Variants in DENND1A observed in about 807,000 individuals in gnomAD.
DENND1A encodes DENN domain containing 1A, also known as DENN domain-containing protein 1A.
A neutral mutation model predicts 113.7 loss-of-function variants in DENND1A; 51 were observed. The observed-to-expected ratio is 0.45, with a 90% CI of 0.36 to 0.57. The LOEUF (loss-of-function observed/expected upper bound fraction) is 0.57, where lower values mean the gene tolerates loss of function less well. DENND1A is among the 20% of genes least tolerant of loss of function. DENND1A has a pLI of 0.00. For missense variants in DENND1A, 1,258 were observed against 1,395.9 expected (o/e 0.90, Z 1.57); for synonymous variants, 565 against 570.8 (o/e 0.99, Z 0.14).
intron 11 of DENND1A, among the ~76,000 whole-genome samples, chr9:123,593,818 G>A (rs1383819965): frequency 6.6e-6 from 1 of 152,148 alleles, no homozygotes; most frequent in Non-Finnish European, 1.5e-5. Context: ...ACGCCCTCTT[G>A]TAATTCCCAG....
At chr9:123,582,014 T>C (rs917208676) in intron 12 of DENND1A, among the ~76,000 whole-genome samples, 4 of 152,246 alleles carry the variant, frequency 2.6e-5, no homozygotes, top group East Asian at 3.8e-4. Flanking sequence ...GATGTTAGCA[T>C]GGCAAATGTG....
chr9:123,423,302 T>A (rs889483688), intron 19 of DENND1A, among the ~76,000 whole-genome samples: 1 of 152,192 alleles, frequency 6.6e-6, no homozygotes, highest in Admixed American at 6.5e-5. Flanking sequence ...CCAAAGTGAA[T>A]CTGCATAATT....
intron 5 of DENND1A, among the ~76,000 whole-genome samples, chr9:123,704,729 A>T (rs1278610730): frequency 6.6e-6 from 1 of 152,156 alleles, no homozygotes; most frequent in African/African-American, 2.4e-5. Context: ...TTTTTAAAGG[A>T]ATGATTGACA....
chr9:123,650,800 G>C (rs114104478), intron 9 of DENND1A, among the ~76,000 whole-genome samples: 2,498 of 151,204 alleles, frequency 0.017, 55 homozygotes, highest in African/African-American at 0.056. Flanking sequence ...CCAACTACTT[G>C]GGTGACTGAA....
chr9:123,766,653 C>A (rs968459966), intron 4 of DENND1A, among the ~76,000 whole-genome samples: 1 of 152,168 alleles, frequency 6.6e-6, no homozygotes, highest in Non-Finnish European at 1.5e-5. Context: ...GCTCAGAGAA[C>A]CTTGGGCAAG....
chr9:123,528,357 T>C (rs2055015708), intron 13 of DENND1A, among the ~76,000 whole-genome samples: 1 of 152,212 alleles, frequency 6.6e-6, no homozygotes, highest in African/African-American at 2.4e-5. Context: ...CTTTATTTCC[T>C]CCAGGACTGG....
chr9:123,501,736 C>A (rs923470892), intron 13 of DENND1A, among the ~76,000 whole-genome samples: 1 of 152,216 alleles, frequency 6.6e-6, no homozygotes, highest in Non-Finnish European at 1.5e-5. Context: ...CACCCTTAAT[C>A]TGGTGGGCAC....
Position 123,671,158 on chromosome 9 carries a change from G to A in DENND1A, c.453+133C>T, listed in dbSNP as rs997463277. 3 of 983,926 alleles carry A rather than the reference G, an allele frequency of 3.0e-6. No homozygotes were observed. The African/African-American group carries it at 4.9e-5, about 16-fold the overall frequency. 60.9% of individuals were successfully genotyped at this position (983,926 alleles called of 1,614,324 possible). On this transcript the variant is annotated intron_variant, in intron 7 of 23. Transcript: ENST00000394215. Reference sequence around the variant, plus strand: ...TACTCTCTGGCCTATCTTGAACTCAGAGGTCTCAGAGTATTTGGGGGTAGG... The same window carrying A: ...TACTCTCTGGCCTATCTTGAACTCAAAGGTCTCAGAGTATTTGGGGGTAGG...
intron 1 of DENND1A, among the ~76,000 whole-genome samples, chr9:123,885,924 C>T (rs1849007281): frequency 6.6e-6 from 1 of 152,156 alleles, no homozygotes; most frequent in Non-Finnish European, 1.5e-5. Flanking sequence ...GGATTACAGG[C>T]ACCTGCCACC....
intron 5 of DENND1A, 34 bp from the exon 6 acceptor site, chr9:123,676,823 G>A (rs769213086): frequency 1.3e-6 from 2 of 1,598,362 alleles, no homozygotes; most frequent in Non-Finnish European, 1.7e-6. Flanking sequence ...TGAAATATTA[G>A]TATGCAGGTC....
intron 13 of DENND1A, among the ~76,000 whole-genome samples, chr9:123,528,086 A>G (rs2054994555): frequency 6.6e-6 from 1 of 152,248 alleles, no homozygotes; most frequent in Admixed American, 6.5e-5. Context: ...TTTGGGGAAC[A>G]TGAGAATAGA....
chr9:123,515,701 T>C (rs1392522276), intron 13 of DENND1A, among the ~76,000 whole-genome samples: 2 of 152,120 alleles, frequency 1.3e-5, no homozygotes, highest in African/African-American at 4.8e-5. Flanking sequence ...AACTTAAAGA[T>C]GAAATGAAGT....
intron 13 of DENND1A, among the ~76,000 whole-genome samples, chr9:123,548,374 T>TA (rs749656398): frequency 2.8e-4 from 43 of 152,342 alleles, no homozygotes; most frequent in Non-Finnish European, 5.4e-4. Flanking sequence ...TCCACTTGCC[T>TA]AAAATATACC....
At chr9:123,591,143 T>C (rs1197409462) in intron 11 of DENND1A, among the ~76,000 whole-genome samples, 1 of 152,240 alleles carries the variant, frequency 6.6e-6, no homozygotes, top group African/African-American at 2.4e-5. Context: ...GTCTTTTCTG[T>C]AGCCAAGATG....
rs115299840 is a variant in DENND1A at position 123,618,902 on chromosome 9, G to A, written c.720-9421C>T. 3.3e-3 allele frequency among the ~76,000 whole-genome samples: 506 copies of A among 152,236 alleles called. 2 individuals carry two copies. The highest frequency in any genetic ancestry group is 1.0e-2 in the African/African-American group (415 of 41,546). On this transcript the variant is annotated intron_variant, in intron 10 of 23. Transcript: ENST00000394215. ...ACTAACCCATTTTTATAGACCTTTC[G>A]CTTTTTGCTATATGTACTTTAAAAG...
chr9:123,730,170 G>T (rs2068052101), intron 5 of DENND1A, among the ~76,000 whole-genome samples: 1 of 152,140 alleles, frequency 6.6e-6, no homozygotes, highest in African/African-American at 2.4e-5. Flanking sequence ...ATAAAGTCTA[G>T]ACAATACCAT....
At chr9:123,701,871 A>G (rs1456094685) in intron 5 of DENND1A, among the ~76,000 whole-genome samples, 1 of 152,250 alleles carries the variant, frequency 6.6e-6, no homozygotes, top group Admixed American at 6.5e-5. Context: ...AAAGACTGGA[A>G]TAAGTACCTA....
At chr9:123,774,714 C>G (rs1830220475) in intron 3 of DENND1A, among the ~76,000 whole-genome samples, 1 of 152,024 alleles carries the variant, frequency 6.6e-6, no homozygotes, top group Non-Finnish European at 1.5e-5. Flanking sequence ...CCCTAGTTTA[C>G]TTTTTATAAA....
rs2045407330 is a variant in DENND1A at position 123,422,744 on chromosome 9, G to A, written c.1489-10915C>T. ...TTGTACGGACTGCACACAGCTCCCT[G>A]CAATGTGTGTTTGACAGGACTGACA... On this transcript the variant is annotated intron_variant, in intron 19 of 23. Transcript: ENST00000394215. The surrounding 1 kb of genome is among the most constrained non-coding windows in gnomAD (Gnocchi z 4.8). 6.6e-6 allele frequency among the ~76,000 whole-genome samples: 1 copy of A among 152,218 alleles called. No homozygotes were observed. Among genetic ancestry groups the A allele is most frequent in the Non-Finnish European group, 1.5e-5 (1 of 68,044 alleles).
Sources: allele counts gnomAD v4.1 joint callset (sites outside exome capture counted in the v4.1 genomes callset), GRCh38; gene constraint gnomAD v4.1.1; non-coding constraint Gnocchi (gnomAD v3.1); transcripts MANE v1.5; gene names NCBI Gene and HGNC (gene_info 2026-07-23, HGNC 2026-07-21).